GFRA4: variants seen among roughly 807,000 people sequenced by gnomAD.
The protein encoded by GFRA4 is GDNF family receptor alpha-4.
Under a neutral mutation model 28.5 loss-of-function variants are expected in GFRA4, and 31 were observed. That is an observed-to-expected ratio of 1.09 (90% CI 0.82 to 1.47). The LOEUF is 1.47. Ranked by LOEUF, GFRA4 falls within the 40% of genes most tolerant of loss-of-function variation. The pLI is 0.00. For missense variants in GFRA4, 389 were observed against 413.2 expected (o/e 0.94, Z 0.51); for synonymous variants, 188 against 188.0 (o/e 1.00, Z 0.00).
Position 3,659,930 on chromosome 20 carries a change from C to G in GFRA4, c.789G>C (p.Leu263=), listed in dbSNP as rs765456420. Reference sequence around the variant, plus strand: ...CTAATCAGAGCAGGGCCGGGAGAGCCAGGACAGGAAGTATGGAGAGCAGGG... The same window carrying G: ...CTAATCAGAGCAGGGCCGGGAGAGCGAGGACAGGAAGTATGGAGAGCAGGG... ...RRSLLSILPV[L]ALPALL Residue 263 remains leucine (L), a synonymous_variant, in exon 6 of 6, where the codon CTG becomes CTC. Coordinates refer to ENST00000290417, the MANE Select transcript of GFRA4 (RefSeq NM_022139.4). The G allele has an allele frequency of 2.5e-6, 4 of 1,597,564 alleles. No homozygotes were observed. The Admixed American group carries it at 7.0e-5, about 28-fold the overall frequency.
At position 3,660,961 on chromosome 20, in the gene GFRA4, C is replaced by T; in HGVS notation, c.375G>A (p.Glu125=). The change falls in exon 2 of 6, where the codon GAG becomes GAA. Residue 125 remains glutamate, a synonymous_variant. Transcript: ENST00000290417. ...PSCLEPLNFC[E]RSRVCRPRLL... ...GCGCGCACCTGCAGACCCGGCTGCG[C>T]TCGCAGAAGTTTAAGGGCTCAAGGC... 7.0e-7 allele frequency: 1 copy of T among 1,432,552 alleles called. No individual in the cohort carries two copies. Among genetic ancestry groups the T allele is most frequent in the Non-Finnish European group, 9.1e-7 (1 of 1,103,558 alleles). The allele number at this position is 1,432,552 out of a possible 1,614,324, so 88.7% of individuals were successfully genotyped here.
chr20:3,661,000 G>A lies in GFRA4; in HGVS notation c.336C>T (p.Pro112=), dbSNP rs1011107107. 6.1e-6 allele frequency: 9 copies of A among 1,464,294 alleles called. No individual in the cohort carries two copies. In the African/African-American group the frequency reaches 1.0e-4, roughly 17 times the overall value. 90.7% of individuals were successfully genotyped at this position (1,464,294 alleles called of 1,614,324 possible). A position where few individuals can be genotyped will look rare whatever the true frequency, so the allele number is the denominator to read the frequency against. ...VPSCAFSGPG[P]APPSCLEPLN... Reference sequence around the variant, plus strand: ...AGGGCTCAAGGCAGGAGGGCGGCGCGGGGCCGGGCCCCGAAAAGGCGCAGG... The same window carrying A: ...AGGGCTCAAGGCAGGAGGGCGGCGCAGGGCCGGGCCCCGAAAAGGCGCAGG... The change falls in exon 2 of 6, where the codon CCC becomes CCT. Residue 112 remains proline (P), a synonymous_variant. Coordinates refer to ENST00000290417, the MANE Select transcript of GFRA4 (RefSeq NM_022139.4).
At chr20:3,663,284 C>A in intron 1 of GFRA4, 70 bp downstream of exon 1, 1 of 1,541,462 alleles carries the variant, frequency 6.5e-7, no homozygotes, top group South Asian at 1.2e-5. Flanking sequence ...CTTGCCCTCC[C>A]ACCTTGTCAC....
chr20:3,659,559 G>A lies in GFRA4; in HGVS notation c.*350C>T, dbSNP rs1402538061. ...TGGGATTCTGGATGGTCTCTGACCT[G>A]CTCTAGGGGATCTGGGTCTCCAGAG... On this transcript the variant is annotated 3_prime_UTR_variant, in exon 6 of 6. Transcript: ENST00000290417. The A allele has an allele frequency of 5.6e-6, 2 of 356,542 alleles. No individual in the cohort carries two copies. The highest frequency in any genetic ancestry group is 4.3e-5 in the African/African-American group (2 of 46,286). The allele number at this position is 356,542 out of a possible 1,614,324, so 22.1% of individuals were successfully genotyped here.
Position 3,660,879 on chromosome 20 carries a change from G to A in GFRA4, c.393-15C>T, listed in dbSNP as rs2087212944. The stretch of plus-strand genomic sequence containing the variant: ...GGAGGCGAGGCCTGCGCGGCGGGAG[G>A]GCGGTGAGCCGGAGAGAGGCCCCGT... On this transcript the variant is annotated splice_polypyrimidine_tract_variant and intron_variant, in intron 2 of 5. Coordinates refer to ENST00000290417, the MANE Select transcript of GFRA4 (RefSeq NM_022139.4). 1 of 1,405,500 alleles carries A rather than the reference G, an allele frequency of 7.1e-7. No homozygotes were observed. The highest frequency in any genetic ancestry group is 9.2e-7 in the Non-Finnish European group (1 of 1,090,068). 87.1% of individuals were successfully genotyped at this position (1,405,500 alleles called of 1,614,324 possible). A position where few individuals can be genotyped will look rare whatever the true frequency, so the allele number is the denominator to read the frequency against.
chr20:3,662,618 C>G (rs2087235326), intron 1 of GFRA4, among the ~76,000 whole-genome samples: 1 of 152,122 alleles, frequency 6.6e-6, no homozygotes, highest in African/African-American at 2.4e-5. Flanking sequence ...GAACATAGCT[C>G]GAGGGCTTAG....
rs752953333 is a variant in GFRA4, at chr20:3,659,934, A to G, written c.785T>C (p.Val262Ala). Residue 262 changes from valine to alanine, a missense_variant, in exon 6 of 6, where the codon GTC becomes GCC. Transcript: ENST00000290417. ...ERRSLLSILP[V>A]LALPALL ...TCAGAGCAGGGCCGGGAGAGCCAGG[A>G]CAGGAAGTATGGAGAGCAGGGAGCG... 2.0e-5 allele frequency: 32 copies of G among 1,598,054 alleles called. No individual in the cohort carries two copies. Among genetic ancestry groups the G allele is most frequent in the Middle Eastern group, 1.6e-4 (1 of 6,062 alleles).
chr20:3,662,482 T>TC (rs10716623), intron 1 of GFRA4, among the ~76,000 whole-genome samples: 24 of 151,966 alleles, frequency 1.6e-4, no homozygotes, highest in African/African-American at 4.8e-4. Flanking sequence ...CGGGGTGGTA[T>TC]CCCCCCCCCA....
At chr20:3,661,330 C>G (rs534547638) in intron 1 of GFRA4, 41 bp from the exon 2 acceptor site, 10 of 1,394,384 alleles carry the variant, frequency 7.2e-6, no homozygotes, top group Non-Finnish European at 9.3e-6. Flanking sequence ...CAGTGCGCCC[C>G]GCATGCACAC....
At chr20:3,661,674 T>C (rs2087226943) in intron 1 of GFRA4, among the ~76,000 whole-genome samples, 1 of 152,238 alleles carries the variant, frequency 6.6e-6, no homozygotes, top group African/African-American at 2.4e-5. Flanking sequence ...TCTGGGGATC[T>C]GGCCAATGGA....
At position 3,661,209 on chromosome 20, in the gene GFRA4, G is replaced by T; in HGVS notation, c.127C>A (p.Arg43Ser). 4 of 1,497,108 alleles carry T rather than the reference G, an allele frequency of 2.7e-6. No homozygotes were observed. Among genetic ancestry groups the T allele is most frequent in the Non-Finnish European group, 3.5e-6 (4 of 1,129,754 alleles). 92.7% of individuals were successfully genotyped at this position (1,497,108 alleles called of 1,614,324 possible). ...CTADARCQRL[R>S]SEYVAQCLGR... ...AGGCACTGCGCCACATACTCGGAGC[G>T]CAAACGCTGGCACCGCGCGTCCGCC... is the stretch of plus-strand genomic sequence containing the variant. The change falls in exon 2 of 6, where the codon CGC (arginine) becomes AGC (serine). Residue 43 changes from arginine to serine, a missense_variant. Coordinates refer to ENST00000290417, the MANE Select transcript of GFRA4 (RefSeq NM_022139.4).
chr20:3,660,364 TGTGTG>T (rs1273138664), intron 4 of GFRA4, 115 bp from the exon 5 acceptor site: 7 of 1,073,046 alleles, frequency 6.5e-6, no homozygotes, highest in Non-Finnish European at 9.5e-6. Flanking sequence ...GGACAGAAGG[TGTGTG>T]GTGAGGAATA....
In GFRA4 at chr20:3,659,375, G is replaced by A. The variant is rs2087192691; in HGVS notation, c.*534C>T. ...GGGTGGGGCCCCTCAAGCAGCATATGGGGAACAGGAAAGACTCTGCCAGCA... is the reference window on the plus strand; with the variant it reads ...GGGTGGGGCCCCTCAAGCAGCATATAGGGAACAGGAAAGACTCTGCCAGCA... On this transcript the variant is annotated 3_prime_UTR_variant, in exon 6 of 6. Coordinates refer to ENST00000290417, the MANE Select transcript of GFRA4 (RefSeq NM_022139.4). 1 of 159,610 alleles carries A rather than the reference G, an allele frequency of 6.3e-6. No individual in the cohort carries two copies. Among genetic ancestry groups the A allele is most frequent in the African/African-American group, 2.4e-5 (1 of 41,508 alleles). 9.9% of individuals were successfully genotyped at this position (159,610 alleles called of 1,614,324 possible).
chr20:3,661,180 G>A lies in GFRA4; in HGVS notation c.156C>T (p.Gly52=), dbSNP rs1417146735. ...LRSEYVAQCL[G]RAAQGGCPRA... is the part of the protein sequence containing the mutation. Reference sequence around the variant, plus strand: ...GGGGACAGCCCCCCTGCGCAGCCCGGCCCAGGCACTGCGCCACATACTCGG... The same window carrying A: ...GGGGACAGCCCCCCTGCGCAGCCCGACCCAGGCACTGCGCCACATACTCGG... Residue 52 remains glycine, a synonymous_variant, in exon 2 of 6, where the codon GGC becomes GGT. Transcript: ENST00000290417. The A allele has an allele frequency of 5.4e-6, 8 of 1,472,128 alleles. No homozygotes were observed. Among genetic ancestry groups the A allele is most frequent in the Admixed American group, 2.4e-5 (1 of 41,768 alleles). The allele number at this position is 1,472,128 out of a possible 1,614,324, so 91.2% of individuals were successfully genotyped here. A position where few individuals can be genotyped will look rare whatever the true frequency, so the allele number is the denominator to read the frequency against.
At chr20:3,660,381 CAAA>C in intron 4 of GFRA4, 132 bp from the exon 5 acceptor site, 1 of 1,084,218 alleles carries the variant, frequency 9.2e-7, no homozygotes, top group Non-Finnish European at 1.3e-6. Context: ...TGAGGAATAA[CAAA>C]ATAATAAGCA....
In GFRA4 at chr20:3,663,390, A is replaced by G. The variant is rs769153263; in HGVS notation, c.10T>C (p.Cys4Arg). The G allele has an allele frequency of 1.2e-6, 2 of 1,610,702 alleles. No homozygotes were observed. The highest frequency in any genetic ancestry group is 4.5e-5 in the East Asian group (2 of 44,808). Reference protein sequence around the residue: MVRCLGPALLLLLL... With the variant: MVRRLGPALLLLLL... ...AGCAGCAGCAGCGCAGGCCCCAGGCAGCGGACCATGCTGGACCTTCAACAG... is the reference window on the plus strand; with the variant it reads ...AGCAGCAGCAGCGCAGGCCCCAGGCGGCGGACCATGCTGGACCTTCAACAG... The change falls in exon 1 of 6, where the codon TGC becomes CGC. Residue 4 changes from cysteine to arginine, a missense_variant. Coordinates refer to ENST00000290417, the MANE Select transcript of GFRA4 (RefSeq NM_022139.4).
At chr20:3,660,390 A>C (rs1568786362) in intron 4 of GFRA4, 136 bp downstream of exon 4, 1 of 1,081,292 alleles carries the variant, frequency 9.2e-7, no homozygotes, top group East Asian at 2.6e-5. Flanking sequence ...ACAAAATAAT[A>C]AGCACAGCTG....
At position 3,661,133 on chromosome 20, in the gene GFRA4, AGGGCCCGGCGGCAGCGGGCGCG is replaced by A; in HGVS notation, c.181_202del (p.Arg61CysfsTer54). 7.5e-7 allele frequency: 1 copy of A among 1,325,442 alleles called. No homozygotes were observed. The allele number at this position is 1,325,442 out of a possible 1,614,324, so 82.1% of individuals were successfully genotyped here. A position where few individuals can be genotyped will look rare whatever the true frequency, so the allele number is the denominator to read the frequency against. ...CGGCCCGCGGGCGAAGAAGCGGCGC[AGGGCCCGGCGGCAGCGGGCGCG>A]GGGACAGCCCCCCTGCGCAGCCCGG... On this transcript the variant is annotated frameshift_variant, in exon 2 of 6. Coordinates refer to ENST00000290417, the MANE Select transcript of GFRA4 (RefSeq NM_022139.4). LOFTEE classifies it high-confidence loss of function.
At position 3,663,392 on chromosome 20, in the gene GFRA4, C is replaced by G. The variant is rs1004121597; in HGVS notation, c.8G>C (p.Arg3Pro). 6.2e-7 allele frequency: 1 copy of G among 1,609,858 alleles called. No homozygotes were observed. The highest frequency in any genetic ancestry group is 2.2e-5 in the East Asian group (1 of 44,814). ...CAGCAGCAGCGCAGGCCCCAGGCAG[C>G]GGACCATGCTGGACCTTCAACAGAG... The part of the protein sequence containing the change: MV[R>P]CLGPALLLLL... The change falls in exon 1 of 6, where the codon CGC becomes CCC. Residue 3 changes from arginine to proline, a missense_variant. Physicochemically the swap from Arg to Pro is moderately radical, Grantham distance 103. Coordinates refer to ENST00000290417, the MANE Select transcript of GFRA4 (RefSeq NM_022139.4).
Sources: gnomAD v4.1 joint callset for allele counts (sites outside exome capture counted in the v4.1 genomes callset) on GRCh38, gnomAD v4.1.1 for gene constraint, MANE v1.5 for transcripts, NCBI Gene and HGNC (gene_info 2026-07-23, HGNC 2026-07-21) for gene names.